Variants in MMS22L observed in about 807,000 individuals in gnomAD.
The protein encoded by MMS22L is protein MMS22-like.
In MMS22L, 74 loss-of-function variants were observed where a neutral mutation model predicts 159.1. That is an observed-to-expected ratio of 0.47 (90% CI 0.39 to 0.56). MMS22L has a LOEUF of 0.56. Among genes scored for constraint, MMS22L ranks in the 20% least tolerant of loss-of-function variants. The pLI, the probability that MMS22L is intolerant of heterozygous loss-of-function variation, is 0.00. For missense variants in MMS22L, 1,351 were observed against 1,422.1 expected, an observed-to-expected ratio of 0.95 and a Z score of 0.80; for synonymous variants, 517 against 506.9, an observed-to-expected ratio of 1.02 and a Z score of -0.27.
intron 9 of MMS22L, among the ~76,000 whole-genome samples, chr6:97,262,951 A>G (rs1327174058): frequency 3.3e-5 from 5 of 152,130 alleles, no homozygotes; most frequent in African/African-American, 4.8e-5. Flanking sequence ...AATTGCTATA[A>G]AATTGAGTAA....
At chr6:97,148,755 T>C (rs758082779) in intron 24 of MMS22L, among the ~76,000 whole-genome samples, 63 of 151,878 alleles carry the variant, frequency 4.1e-4, no homozygotes, top group Non-Finnish European at 6.8e-4. Flanking sequence ...AAACTAAAAA[T>C]TTTAGAAATA....
At chr6:97,188,649 A>T (rs1228289002) in intron 14 of MMS22L, among the ~76,000 whole-genome samples, 2 of 152,174 alleles carry the variant, frequency 1.3e-5, no homozygotes, top group Non-Finnish European at 2.9e-5. Flanking sequence ...ACAAGTTTTA[A>T]GTGAATTAAA....
intron 16 of MMS22L, among the ~76,000 whole-genome samples, chr6:97,181,274 T>G (rs1804678303): frequency 1.3e-5 from 2 of 152,212 alleles, no homozygotes; most frequent in Admixed American, 6.5e-5. Context: ...ATTTATTTTA[T>G]TTTCTCTCAT....
chr6:97,278,447 A>C (rs965195557), intron 4 of MMS22L, among the ~76,000 whole-genome samples: 1 of 151,944 alleles, frequency 6.6e-6, no homozygotes, highest in Admixed American at 6.6e-5. Flanking sequence ...CAATCTAAAC[A>C]AAAGAAAAAA....
intron 16 of MMS22L, among the ~76,000 whole-genome samples, chr6:97,180,890 T>C (rs1200751339): frequency 6.6e-6 from 1 of 152,162 alleles, no homozygotes; most frequent in Non-Finnish European, 1.5e-5. Context: ...GGAAAAGACT[T>C]AGCTCACCAA....
intron 22 of MMS22L, among the ~76,000 whole-genome samples, chr6:97,152,816 T>TG (rs1322408513): frequency 6.6e-6 from 1 of 150,820 alleles, no homozygotes; most frequent in African/African-American, 2.5e-5. Flanking sequence ...TACCTTTTTT[T>TG]TTTTAAAAAA....
At chr6:97,254,088 G>A (rs886378651) in intron 10 of MMS22L, 1 of 153,056 alleles carries the variant, frequency 6.5e-6, no homozygotes, top group Non-Finnish European at 1.5e-5. Flanking sequence ...CTTCATGGTT[G>A]TTTAATAAGT....
intron 7 of MMS22L, 102 bp downstream of exon 7, chr6:97,269,800 A>AT (rs913351741): frequency 3.1e-4 from 249 of 797,428 alleles, no homozygotes; most frequent in Middle Eastern, 6.8e-4. Flanking sequence ...TTACTATTTG[A>AT]TTTTTTTTTA....
intron 14 of MMS22L, among the ~76,000 whole-genome samples, chr6:97,198,074 T>G (rs982363107): frequency 5.3e-5 from 8 of 152,136 alleles, no homozygotes; most frequent in African/African-American, 1.9e-4. Context: ...TATGTGGCTA[T>G]AAGGTTTGGT....
At chr6:97,270,104 T>A in intron 6 of MMS22L, 112 bp from the exon 7 acceptor site, 1 of 777,752 alleles carries the variant, frequency 1.3e-6, no homozygotes, top group Non-Finnish European at 2.1e-6. Context: ...CCAATTAACC[T>A]ACCACTATTC....
At chr6:97,215,335 C>T (rs1001704700) in intron 14 of MMS22L, among the ~76,000 whole-genome samples, 3 of 152,106 alleles carry the variant, frequency 2.0e-5, no homozygotes, top group Non-Finnish European at 2.9e-5. Flanking sequence ...AGCAAGATGA[C>T]ACTGTTCTCT....
chr6:97,211,187 G>A (rs886234530), intron 14 of MMS22L, among the ~76,000 whole-genome samples: 4 of 151,940 alleles, frequency 2.6e-5, no homozygotes, highest in African/African-American at 9.7e-5. Context: ...ACTTTTGTGT[G>A]TGTGTATATA....
intron 11 of MMS22L, among the ~76,000 whole-genome samples, chr6:97,238,364 A>G (rs1210299700): frequency 1.3e-5 from 2 of 152,192 alleles, no homozygotes; most frequent in Admixed American, 1.3e-4. Flanking sequence ...AAGATGATAC[A>G]TATCAATTTT....
At chr6:97,175,595 C>T (rs772648380) in intron 18 of MMS22L, among the ~76,000 whole-genome samples, 14 of 151,996 alleles carry the variant, frequency 9.2e-5, no homozygotes, top group Admixed American at 2.0e-4. Context: ...AGCCTATATT[C>T]GTCATTTGGA....
At chr6:97,248,375 T>C (rs1424225743) in intron 10 of MMS22L, among the ~76,000 whole-genome samples, 4 of 141,154 alleles carry the variant, frequency 2.8e-5, no homozygotes, top group Non-Finnish European at 6.3e-5. Flanking sequence ...GAATGCCTGA[T>C]TCTCAGAAAT....
Position 97,173,060 on chromosome 6 carries a change from T to A in MMS22L, c.2839+3A>T, listed in dbSNP as rs567032066. 16 of 1,608,412 alleles carry A rather than the reference T, an allele frequency of 9.9e-6. No homozygotes were observed. The highest frequency in any genetic ancestry group is 1.4e-5 in the Non-Finnish European group (16 of 1,178,384). ...CTAGCAAAATAATGCCAGGAATACA[T>A]ACCCATCATTCCATAAGTCAGCTGC... On this transcript the variant is annotated splice_donor_region_variant and intron_variant, in intron 19 of 24. Transcript: ENST00000683635.
At chr6:97,232,363 A>G (rs1424639446) in intron 12 of MMS22L, among the ~76,000 whole-genome samples, 2 of 152,152 alleles carry the variant, frequency 1.3e-5, no homozygotes, top group Non-Finnish European at 2.9e-5. Flanking sequence ...TTCTAATTCT[A>G]TCACGTTTTC....
chr6:97,277,559 A>G (rs752132625), intron 4 of MMS22L, among the ~76,000 whole-genome samples: 3 of 152,124 alleles, frequency 2.0e-5, no homozygotes, highest in Non-Finnish European at 2.9e-5. Flanking sequence ...ACACACACAC[A>G]CACACAAAAT....
chr6:97,172,001 A>T (rs1414699457), intron 19 of MMS22L, among the ~76,000 whole-genome samples: 1 of 152,184 alleles, frequency 6.6e-6, no homozygotes, highest in Non-Finnish European at 1.5e-5. Flanking sequence ...TGGAGACAAA[A>T]ATCAACAAGG....
Sources: gnomAD v4.1 joint callset for allele counts (sites outside exome capture counted in the v4.1 genomes callset) on GRCh38, gnomAD v4.1.1 for gene constraint, MANE v1.5 for transcripts, NCBI Gene and HGNC (gene_info 2026-07-23, HGNC 2026-07-21) for gene names.